The following GPC5 variants were observed in gnomAD, a reference collection of about 807,000 sequenced individuals.
GPC5 encodes the protein glypican-5.
In GPC5, 47 loss-of-function variants were observed where a neutral mutation model predicts 53.9. The ratio of observed to expected loss-of-function variants is 0.87; its 90% CI spans 0.69 to 1.11. GPC5 has a LOEUF of 1.11. Among genes scored for constraint, GPC5 ranks in the 50% most tolerant of loss-of-function variants. The pLI, the probability that GPC5 is intolerant of heterozygous loss-of-function variation, is 0.00. For missense variants in GPC5, 748 were observed against 713.1 expected, an observed-to-expected ratio of 1.05 and a Z score of -0.56; for synonymous variants, 286 against 263.3, an observed-to-expected ratio of 1.09 and a Z score of -0.84.
At chr13:91,832,554 A>T (rs2038674266) in intron 5 of GPC5, among the ~76,000 whole-genome samples, 2 of 152,168 alleles carry the variant, frequency 1.3e-5, no homozygotes, top group African/African-American at 4.8e-5. Flanking sequence ...CCATTAGTTG[A>T]TGCAGTTTCT....
At chr13:92,372,952 GT>G (rs1566561514) in intron 7 of GPC5, among the ~76,000 whole-genome samples, 1 of 152,112 alleles carries the variant, frequency 6.6e-6, no homozygotes, top group Non-Finnish European at 1.5e-5. Flanking sequence ...TTTAAAGTTT[GT>G]AGATAATATC....
At chr13:91,931,604 A>G (rs2039822304) in intron 6 of GPC5, among the ~76,000 whole-genome samples, 1 of 152,026 alleles carries the variant, frequency 6.6e-6, no homozygotes, top group African/African-American at 2.4e-5. Context: ...CAGTGGCTCA[A>G]CCAAACCAAA....
At chr13:91,418,600 G>T (rs1040937744) in intron 1 of GPC5, among the ~76,000 whole-genome samples, 2 of 152,180 alleles carry the variant, frequency 1.3e-5, no homozygotes, top group Non-Finnish European at 2.9e-5. Flanking sequence ...GGTGAGTGTG[G>T]AAGGAAAGGT....
At chr13:91,595,534 T>A (rs2032963142) in intron 2 of GPC5, among the ~76,000 whole-genome samples, 1 of 152,194 alleles carries the variant, frequency 6.6e-6, no homozygotes, top group Non-Finnish European at 1.5e-5. Flanking sequence ...TTTTATGTTG[T>A]CTGTTATTGA....
chr13:91,668,740 T>C (rs1276836531), intron 2 of GPC5, among the ~76,000 whole-genome samples: 1 of 152,214 alleles, frequency 6.6e-6, no homozygotes, highest in Non-Finnish European at 1.5e-5. Context: ...TTGGTTCTTA[T>C]TAATCATTAA....
intron 5 of GPC5, among the ~76,000 whole-genome samples, chr13:91,895,119 C>G (rs1032690713): frequency 6.6e-6 from 1 of 151,346 alleles, no homozygotes; most frequent in Non-Finnish European, 1.5e-5. Flanking sequence ...CTCAGCAGGG[C>G]AGGAAAGGCG....
chr13:92,004,969 A>G (rs2040593158), intron 6 of GPC5, among the ~76,000 whole-genome samples: 1 of 152,176 alleles, frequency 6.6e-6, no homozygotes, highest in African/African-American at 2.4e-5. Flanking sequence ...TTCTGGCCAC[A>G]CTGGCAGCTG....
chr13:91,999,338 A>T (rs1447315497), intron 6 of GPC5, among the ~76,000 whole-genome samples: 2 of 152,154 alleles, frequency 1.3e-5, no homozygotes, highest in Non-Finnish European at 2.9e-5. Context: ...AGAAGGTAAA[A>T]CTATCTCTTC....
At chr13:91,964,139 G>C (rs907161073) in intron 6 of GPC5, among the ~76,000 whole-genome samples, 1 of 152,128 alleles carries the variant, frequency 6.6e-6, no homozygotes, top group African/African-American at 2.4e-5. Flanking sequence ...CCTTCTGGTG[G>C]GTTCATGGTC....
At chr13:92,552,193 A>G (rs1478879972) in intron 7 of GPC5, among the ~76,000 whole-genome samples, 1 of 151,890 alleles carries the variant, frequency 6.6e-6, no homozygotes, top group East Asian at 1.9e-4. Flanking sequence ...ATGACTATCA[A>G]AAATTTCCAT....
At chr13:91,956,018 G>A (rs548032666) in intron 6 of GPC5, among the ~76,000 whole-genome samples, 21 of 152,228 alleles carry the variant, frequency 1.4e-4, no homozygotes, top group Admixed American at 4.6e-4. Context: ...TGCTGCCACT[G>A]AAAGCCAACC....
chr13:91,830,383 T>C (rs2038636723), intron 5 of GPC5, among the ~76,000 whole-genome samples: 1 of 151,982 alleles, frequency 6.6e-6, no homozygotes, highest in Non-Finnish European at 1.5e-5. Flanking sequence ...ACACACATGC[T>C]CTACAATTTG....
chr13:91,645,527 C>T (rs948601345), intron 2 of GPC5, among the ~76,000 whole-genome samples: 1 of 152,172 alleles, frequency 6.6e-6, no homozygotes, highest in African/African-American at 2.4e-5. Context: ...CCTCAAGTCC[C>T]TTTGTTACTA....
chr13:92,546,640 C>T (rs978100941), intron 7 of GPC5, among the ~76,000 whole-genome samples: 1 of 152,160 alleles, frequency 6.6e-6, no homozygotes, highest in Non-Finnish European at 1.5e-5. Flanking sequence ...TTACCAATGA[C>T]TTTCTTCACA....
intron 7 of GPC5, among the ~76,000 whole-genome samples, chr13:92,502,398 C>T (rs1880218159): frequency 6.6e-6 from 1 of 151,654 alleles, no homozygotes; most frequent in South Asian, 2.1e-4. Context: ...TGCAAACTGA[C>T]TAAACACACA....
At position 91,627,131 on chromosome 13, in the gene GPC5, C is replaced by T. The variant is rs2139399967; in HGVS notation, c.326-66056C>T. Among the ~76,000 whole-genome samples, 2 of 18,564 alleles carry T rather than the reference C, an allele frequency of 1.1e-4. 1 individual carries two copies. The highest frequency in any genetic ancestry group is 1.5e-4 in the Non-Finnish European group (2 of 13,734). The allele number at this position is 18,564 out of a possible 152,430, so 12.2% of individuals were successfully genotyped here. ...CTGCAAGCTCCGCTTCCCGGGTTCA[C>T]GCCATTCTGCTGCCTCAGCCTCCCG... On this transcript the variant is annotated intron_variant, in intron 2 of 7. Coordinates refer to ENST00000377067, the MANE Select transcript of GPC5 (RefSeq NM_004466.6).
Position 91,814,073 on chromosome 13 carries a change from C to T in GPC5, c.1280+57653C>T, listed in dbSNP as rs139288867. On this transcript the variant is annotated intron_variant, in intron 5 of 7. Coordinates refer to ENST00000377067, the MANE Select transcript of GPC5 (RefSeq NM_004466.6). ...TCAGCCTCCCAAATAGCTGGGACTA[C>T]AGGCACGTGCCACCACGCCTGGCTA... 3.5e-3 allele frequency among the ~76,000 whole-genome samples: 535 copies of T among 151,810 alleles called. 4 individuals carry two copies. The highest frequency in any genetic ancestry group is 0.031 in the East Asian group (159 of 5,122).
At chr13:91,858,758 A>G (rs951991411) in intron 5 of GPC5, among the ~76,000 whole-genome samples, 1 of 151,980 alleles carries the variant, frequency 6.6e-6, no homozygotes, top group Admixed American at 6.6e-5. Flanking sequence ...AATATTTGGT[A>G]AAATTCAGGA....
chr13:92,547,418 T>G (rs1271479589), intron 7 of GPC5, among the ~76,000 whole-genome samples: 3 of 152,214 alleles, frequency 2.0e-5, no homozygotes, highest in Non-Finnish European at 4.4e-5. Context: ...ATGACGTATT[T>G]TTACCTGTTT....
Sources: gnomAD v4.1 joint callset for allele counts (sites outside exome capture counted in the v4.1 genomes callset) on GRCh38, gnomAD v4.1.1 for gene constraint, MANE v1.5 for transcripts, NCBI Gene and HGNC (gene_info 2026-07-23, HGNC 2026-07-21) for gene names.